The following NELL1 variants were observed in gnomAD, a reference collection of about 807,000 sequenced individuals.
The protein encoded by NELL1 is protein kinase C-binding protein NELL1.
In NELL1, 76 loss-of-function variants were observed where a neutral mutation model predicts 107.4. That is an observed-to-expected ratio of 0.71 (90% confidence interval 0.59 to 0.86). The LOEUF (loss-of-function observed/expected upper bound fraction) is 0.86, where lower values mean the gene tolerates loss of function less well. Ranked by LOEUF, NELL1 falls within the 40% of genes least tolerant of loss-of-function variation. The pLI, the probability that NELL1 is intolerant of heterozygous loss-of-function variation, is 0.00. For synonymous variants in NELL1, 353 were observed against 341.2 expected, an observed-to-expected ratio of 1.03 and a Z score of -0.38; for missense variants, 1,024 against 1,005.5, an observed-to-expected ratio of 1.02 and a Z score of -0.25.
chr11:21,442,181 T>A (rs1238890781), intron 15 of NELL1, among the ~76,000 whole-genome samples: 3 of 152,234 alleles, frequency 2.0e-5, no homozygotes, highest in Admixed American at 1.3e-4. Flanking sequence ...TATTCATTTC[T>A]CAGGTGTCAG....
chr11:21,012,913 G>A (rs1852479127), intron 12 of NELL1, among the ~76,000 whole-genome samples: 1 of 152,102 alleles, frequency 6.6e-6, no homozygotes, highest in South Asian at 2.1e-4. Flanking sequence ...AGCAATTGGG[G>A]GGATTAGTAA....
At chr11:21,507,772 T>TTTTTC (rs201507302) in intron 15 of NELL1, among the ~76,000 whole-genome samples, 15 of 149,632 alleles carry the variant, frequency 1.0e-4, no homozygotes, top group African/African-American at 3.5e-4. Flanking sequence ...AAGCAAAAGT[T>TTTTTC]TTTTCTTTTC....
At chr11:20,709,890 C>G (rs1235988210) in intron 2 of NELL1, among the ~76,000 whole-genome samples, 1 of 152,050 alleles carries the variant, frequency 6.6e-6, no homozygotes, top group Non-Finnish European at 1.5e-5. Context: ...GATTTGTGTA[C>G]ATTGATTTTG....
chr11:20,890,063 C>G (rs887770700), intron 5 of NELL1, among the ~76,000 whole-genome samples: 7 of 152,186 alleles, frequency 4.6e-5, no homozygotes, highest in Non-Finnish European at 7.3e-5. Context: ...GACCCTCCAA[C>G]AGGGGTTGTC....
chr11:20,895,980 T>G (rs755708917), intron 5 of NELL1, among the ~76,000 whole-genome samples: 1 of 152,290 alleles, frequency 6.6e-6, no homozygotes, highest in South Asian at 2.1e-4. Flanking sequence ...TGTTTATTTT[T>G]TATATTTTTA....
At chr11:21,343,411 A>G (rs1590855142) in intron 14 of NELL1, among the ~76,000 whole-genome samples, 1 of 151,920 alleles carries the variant, frequency 6.6e-6, no homozygotes, top group East Asian at 1.9e-4. Context: ...ACTCTGCTCA[A>G]TCTCTTAGAC....
At chr11:21,211,443 G>A (rs893540625) in intron 13 of NELL1, among the ~76,000 whole-genome samples, 1 of 152,170 alleles carries the variant, frequency 6.6e-6, no homozygotes, top group Non-Finnish European at 1.5e-5. Context: ...ACTGGGCTGA[G>A]AGTAATGTTA....
At chr11:21,041,131 T>C (rs1288582686) in intron 12 of NELL1, among the ~76,000 whole-genome samples, 1 of 152,180 alleles carries the variant, frequency 6.6e-6, no homozygotes, top group Non-Finnish European at 1.5e-5. Flanking sequence ...TAATTTGACA[T>C]AGTACAGTGA....
intron 15 of NELL1, among the ~76,000 whole-genome samples, chr11:21,509,268 G>A (rs1165544192): frequency 2.6e-5 from 4 of 152,060 alleles, no homozygotes; most frequent in South Asian, 2.1e-4. Context: ...ATACTTTTTC[G>A]TTGGGGCATA....
intron 3 of NELL1, among the ~76,000 whole-genome samples, chr11:20,825,469 G>A (rs1024634421): frequency 1.3e-5 from 2 of 151,440 alleles, no homozygotes; most frequent in South Asian, 4.1e-4. Context: ...AAGGCCATGG[G>A]AGTCCACCTC....
intron 15 of NELL1, among the ~76,000 whole-genome samples, chr11:21,438,928 G>A (rs947180877): frequency 7.2e-5 from 11 of 151,736 alleles, no homozygotes; most frequent in Admixed American, 5.9e-4. Context: ...AGTCAAAAAT[G>A]CATTTTTTTG....
intron 12 of NELL1, among the ~76,000 whole-genome samples, chr11:21,038,580 A>C (rs1853151266): frequency 6.6e-6 from 1 of 152,174 alleles, no homozygotes. Context: ...TTTTCTTACC[A>C]ACTCAAACGC....
chr11:21,441,777 A>G (rs1853292146), intron 15 of NELL1, among the ~76,000 whole-genome samples: 1 of 152,148 alleles, frequency 6.6e-6, no homozygotes, highest in African/African-American at 2.4e-5. Flanking sequence ...TATCTTCACT[A>G]TGGTGTTATA....
chr11:21,430,785 G>A (rs1452896359), intron 15 of NELL1, among the ~76,000 whole-genome samples: 1 of 152,098 alleles, frequency 6.6e-6, no homozygotes, highest in African/African-American at 2.4e-5. Flanking sequence ...CCTAACTCCA[G>A]GAGTATGTTT....
chr11:20,882,975 T>C (rs983310781), intron 4 of NELL1, among the ~76,000 whole-genome samples: 2 of 152,352 alleles, frequency 1.3e-5, no homozygotes, highest in African/African-American at 4.8e-5. Flanking sequence ...TTCTTCATGA[T>C]TAGATTTCCT....
intron 15 of NELL1, among the ~76,000 whole-genome samples, chr11:21,514,639 AAT>A (rs1431290317): frequency 7.0e-6 from 1 of 142,900 alleles, no homozygotes; most frequent in African/African-American, 2.6e-5. Flanking sequence ...CATCTGATTC[AAT>A]ATTTAAATAT....
At chr11:21,143,091 G>A (rs1290753741) in intron 13 of NELL1, among the ~76,000 whole-genome samples, 1 of 152,148 alleles carries the variant, frequency 6.6e-6, no homozygotes, top group Non-Finnish European at 1.5e-5. Context: ...AGGAGTGACT[G>A]TATGCACGTG....
intron 11 of NELL1, among the ~76,000 whole-genome samples, chr11:20,958,019 GA>G (rs1449606813): frequency 6.6e-6 from 1 of 152,144 alleles, no homozygotes; most frequent in African/African-American, 2.4e-5. Context: ...CCAAAATGAT[GA>G]AAGATTTCAT....
chr11:21,227,412 G>A (rs1034206889), intron 13 of NELL1, among the ~76,000 whole-genome samples: 3 of 152,064 alleles, frequency 2.0e-5, no homozygotes, highest in African/African-American at 7.2e-5. Flanking sequence ...CTGTGTTCCG[G>A]TTAGTTACCC....
Sources: allele counts gnomAD v4.1 joint callset (sites outside exome capture counted in the v4.1 genomes callset), GRCh38; gene constraint gnomAD v4.1.1; transcripts MANE v1.5; gene names NCBI Gene and HGNC (gene_info 2026-07-23, HGNC 2026-07-21).